Variants in IFT74 observed in about 807,000 individuals in gnomAD.
IFT74 encodes intraflagellar transport 74, also known as intraflagellar transport protein 74 homolog.
IFT74 carries 92 observed loss-of-function variants against 96.7 expected under a neutral mutation model. The ratio of observed to expected loss-of-function variants is 0.95; its 90% CI spans 0.80 to 1.13. The LOEUF is 1.13. Ranked by LOEUF, IFT74 falls within the 50% of genes most tolerant of loss-of-function variation. The pLI, the probability that IFT74 is intolerant of heterozygous loss-of-function variation, is 0.00. For missense variants in IFT74, 811 were observed against 698.2 expected, an observed-to-expected ratio of 1.16 and a Z score of -1.82; for synonymous variants, 223 against 213.2, an observed-to-expected ratio of 1.05 and a Z score of -0.40.
intron 16 of IFT74, among the ~76,000 whole-genome samples, chr9:27,052,918 A>G (rs1819995222): frequency 6.6e-6 from 1 of 152,038 alleles, no homozygotes; most frequent in Non-Finnish European, 1.5e-5. Flanking sequence ...GCTGGAGTGC[A>G]GTGGCGCGAT....
At chr9:26,995,605 T>C in intron 8 of IFT74, 4 of 1,609,718 alleles carry the variant, frequency 2.5e-6, no homozygotes, top group Non-Finnish European at 3.4e-6. Flanking sequence ...AATGTAATTG[T>C]TCAAATATTA....
chr9:26,976,795 T>C (rs1402044927), intron 2 of IFT74: 1 of 456,096 alleles, frequency 2.2e-6, no homozygotes, highest in Admixed American at 2.3e-5. Flanking sequence ...ATGTATTATA[T>C]GAACTGACAT....
intron 12 of IFT74, among the ~76,000 whole-genome samples, chr9:27,018,963 T>A (rs1829475690): frequency 6.6e-6 from 1 of 152,130 alleles, no homozygotes; most frequent in Non-Finnish European, 1.5e-5. Flanking sequence ...CCTTTATTTT[T>A]CAATTTTTAT....
intron 15 of IFT74, 123 bp from the exon 16 acceptor site, chr9:27,048,025 G>C: frequency 1.9e-6 from 1 of 534,134 alleles, no homozygotes; most frequent in Non-Finnish European, 3.1e-6. Context: ...AACTTGAATG[G>C]TGTATTTCAA....
chr9:27,044,732 T>C lies in IFT74; in HGVS notation c.1055-10T>C. The C allele has an allele frequency of 6.5e-7, 1 of 1,531,710 alleles. No homozygotes were observed. Among genetic ancestry groups the C allele is most frequent in the Non-Finnish European group, 8.9e-7 (1 of 1,120,860 alleles). 94.9% of individuals were successfully genotyped at this position (1,531,710 alleles called of 1,614,324 possible). On this transcript the variant is annotated splice_polypyrimidine_tract_variant and intron_variant, in intron 13 of 19. Transcript: ENST00000380062. ...TTTGAAATTCATGTTGTATTTTATATCTCTCATAGGTGAAATGAACCAGAA... is the reference window on the plus strand; with the variant it reads ...TTTGAAATTCATGTTGTATTTTATACCTCTCATAGGTGAAATGAACCAGAA...
intron 8 of IFT74, chr9:26,998,216 T>C (rs1315988930): frequency 1.3e-6 from 2 of 1,493,536 alleles, no homozygotes; most frequent in South Asian, 1.4e-5. Flanking sequence ...GGTATAATTT[T>C]TTTCAGTAAA....
chr9:26,954,236 T>A (rs1229775050), upstream of IFT74, among the ~76,000 whole-genome samples: 1 of 152,206 alleles, frequency 6.6e-6, no homozygotes. Context: ...GTCGCTCTAA[T>A]GCACTGAGTT....
intron 10 of IFT74, among the ~76,000 whole-genome samples, chr9:27,013,220 TC>T (rs1335711212): frequency 1.3e-5 from 2 of 152,190 alleles, no homozygotes; most frequent in African/African-American, 2.4e-5. Context: ...GCTGCAGCTT[TC>T]TTTTTTCACC....
At chr9:27,009,809 A>G (rs1380115497) in intron 9 of IFT74, among the ~76,000 whole-genome samples, 1 of 152,092 alleles carries the variant, frequency 6.6e-6, no homozygotes, top group Non-Finnish European at 1.5e-5. Context: ...TATTGCCTAA[A>G]TTTCCATTTT....
chr9:27,056,521 C>T, intron 18 of IFT74, 62 bp downstream of exon 18: 1 of 1,431,762 alleles, frequency 7.0e-7, no homozygotes, highest in Non-Finnish European at 9.4e-7. Flanking sequence ...CCAAAACAAT[C>T]AATTTTTTAT....
chr9:27,035,176 T>C (rs1819114919), intron 13 of IFT74, among the ~76,000 whole-genome samples: 1 of 152,216 alleles, frequency 6.6e-6, no homozygotes, highest in African/African-American at 2.4e-5. Flanking sequence ...TGCTGTTACT[T>C]TATAAAAGCA....
chr9:27,060,510 T>C (rs1047814861), intron 18 of IFT74, 81 bp from the exon 19 acceptor site: 6 of 825,040 alleles, frequency 7.3e-6, no homozygotes, highest in Non-Finnish European at 1.1e-5. Context: ...TGGAGAGATT[T>C]TTTTTGTCTT....
At chr9:26,953,744 T>TAGTGACCCTCCTGCCTTGGCCTC (rs574036055), upstream of IFT74, among the ~76,000 whole-genome samples, 10,765 of 152,014 alleles carry the variant, frequency 0.071, 552 homozygotes, top group African/African-American at 0.14. Flanking sequence ...CTCCTGGCCT[T>TAGTGACCCTCCTGCCTTGGCCTC]AGTGACCCTC....
At chr9:26,982,383 C>T in intron 4 of IFT74, 1 of 443,822 alleles carries the variant, frequency 2.3e-6, no homozygotes, top group South Asian at 1.6e-5. Flanking sequence ...CTTGCCTCAG[C>T]CTCGTGCCTG....
chr9:27,056,582 C>A, intron 18 of IFT74, 123 bp downstream of exon 18: 1 of 754,276 alleles, frequency 1.3e-6, no homozygotes, highest in Non-Finnish European at 2.1e-6. Context: ...TTAAGACAGC[C>A]AGATTCTGTA....
intron 4 of IFT74, among the ~76,000 whole-genome samples, chr9:26,981,739 T>C (rs1827384479): frequency 6.6e-6 from 1 of 151,392 alleles, no homozygotes; most frequent in Non-Finnish European, 1.5e-5. Context: ...ATTTTAAAAG[T>C]TCACTTTTTT....
At chr9:26,954,511 T>A (rs1826021008), upstream of IFT74, among the ~76,000 whole-genome samples, 2 of 151,794 alleles carry the variant, frequency 1.3e-5, no homozygotes. Context: ...AATTTTAATG[T>A]GCCAAAGTTT....
At chr9:26,961,203 G>T (rs1261145926) in intron 1 of IFT74, among the ~76,000 whole-genome samples, 2 of 149,786 alleles carry the variant, frequency 1.3e-5, no homozygotes, top group African/African-American at 4.9e-5. Flanking sequence ...CCGTTCTCCT[G>T]CCTCGGCCTC....
At chr9:26,960,769 T>A (rs561893952) in intron 1 of IFT74, among the ~76,000 whole-genome samples, 29 of 152,192 alleles carry the variant, frequency 1.9e-4, no homozygotes, top group African/African-American at 7.0e-4. Flanking sequence ...TCAATTAAGA[T>A]GTTTGAGGTG....
Sources: gnomAD v4.1 joint callset for allele counts (sites outside exome capture counted in the v4.1 genomes callset) on GRCh38, gnomAD v4.1.1 for gene constraint, MANE v1.5 for transcripts, NCBI Gene and HGNC (gene_info 2026-07-23, HGNC 2026-07-21) for gene names.